The following VPS33B variants were observed in gnomAD, a reference collection of about 807,000 sequenced individuals.
The protein encoded by VPS33B is vacuolar protein sorting-associated protein 33B.
Under a neutral mutation model 95.3 loss-of-function variants are expected in VPS33B, and 80 were observed. That is an observed-to-expected ratio of 0.84 (90% confidence interval 0.70 to 1.01). VPS33B has a LOEUF of 1.01. VPS33B is among the 50% of genes least tolerant of loss of function. VPS33B has a pLI of 0.00. For missense variants in VPS33B, 715 were observed against 773.4 expected, an observed-to-expected ratio of 0.92 and a Z score of 0.90; for synonymous variants, 280 against 280.4, an observed-to-expected ratio of 1.00 and a Z score of 0.01.
Position 91,006,669 on chromosome 15 carries a change from G to A in VPS33B, c.761C>T (p.Thr254Ile), listed in dbSNP as rs144850957. The change falls in exon 10 of 23, where the codon ACC becomes ATC. Residue 254 changes from threonine to isoleucine, a missense_variant. By Grantham distance (89) the Thr-to-Ile change is moderately conservative. Coordinates refer to ENST00000333371, the MANE Select transcript of VPS33B (RefSeq NM_018668.5). The surrounding 1 kb of genome is among the most constrained non-coding windows in gnomAD (Gnocchi z 5.4). ...QVVYEGLVDD[T>I]FRIKCGSVDF... ...GCACTTACCACACTTGATGCGGAAG[G>A]TGTCATCTACTAGGCCCTCATAAAC... 2.5e-6 allele frequency: 4 copies of A among 1,614,170 alleles called. No homozygotes were observed. The East Asian group carries it at 8.9e-5, about 36-fold the overall frequency.
intron 16 of VPS33B, among the ~76,000 whole-genome samples, chr15:91,004,445 G>T (rs923820791): frequency 1.1e-4 from 17 of 151,464 alleles, no homozygotes; most frequent in African/African-American, 4.1e-4. Context: ...TGGGGGTTGT[G>T]GTGAGCCGAG....
Position 90,998,900 on chromosome 15 carries a change from C to G in VPS33B, c.*75G>C. On this transcript the variant is annotated 3_prime_UTR_variant, in exon 23 of 23. Transcript: ENST00000333371. The surrounding 1 kb of genome is among the most constrained non-coding windows in gnomAD (Gnocchi z 4.8). ...GTAGTTGGTGGACACTTGGTTATAG[C>G]AGCTGGGTGCCAGATGCCTGCATCT... 6.5e-7 allele frequency: 1 copy of G among 1,531,338 alleles called. No homozygotes were observed. The highest frequency in any genetic ancestry group is 9.0e-7 in the Non-Finnish European group (1 of 1,113,066). The allele number at this position is 1,531,338 out of a possible 1,614,324, so 94.9% of individuals were successfully genotyped here.
chr15:91,017,106 G>T, intron 2 of VPS33B, 82 bp from the exon 3 acceptor site: 2 of 1,283,196 alleles, frequency 1.6e-6, no homozygotes, highest in Non-Finnish European at 2.3e-6. Flanking sequence ...GGGACTTCTT[G>T]AGGGCTTCCT....
At chr15:90,998,531 G>C, downstream of VPS33B, 1 of 273,228 alleles carries the variant, frequency 3.7e-6, no homozygotes, top group South Asian at 4.2e-5. This position sits in a 1 kb window ranked among gnomAD's most constrained non-coding sequence, Gnocchi z 4.8. Flanking sequence ...CAGAGTGGTA[G>C]AGTGATTTTT....
Position 91,002,391 on chromosome 15 carries a change from G to A in VPS33B, c.1273-209C>T, listed in dbSNP as rs2040464649. Among the ~76,000 whole-genome samples, 1 of 152,290 alleles carries A rather than the reference G, an allele frequency of 6.6e-6. No homozygotes were observed. The highest frequency in any genetic ancestry group is 1.9e-4 in the East Asian group (1 of 5,176). ...TGTAATCCCAGCACTTTGGGTTTGG[G>A]AGGCCAGGGCAGGCAGATCACTTGA... On this transcript the variant is annotated intron_variant, in intron 17 of 22. Coordinates refer to ENST00000333371, the MANE Select transcript of VPS33B (RefSeq NM_018668.5). This position sits in a 1 kb window ranked among gnomAD's most constrained non-coding sequence, Gnocchi z 4.7.
rs2040648648 is a variant in VPS33B at position 91,007,539 on chromosome 15, T to G, written c.533A>C (p.Gln178Pro). The stretch of plus-strand genomic sequence containing the variant: ...GAGAGTGCTGAGAAGGTGTAAGGCC[T>G]GAGCTACAGTGTTGATCCAACGCTG... Reference protein sequence around the residue: ...GDQRWINTVAQALHLLSTLYG... With the variant: ...GDQRWINTVAPALHLLSTLYG... Residue 178 changes from glutamine to proline, a missense_variant, in exon 8 of 23, where the codon CAG (glutamine) becomes CCG (proline). Transcript: ENST00000333371. The surrounding 1 kb of genome is among the most constrained non-coding windows in gnomAD (Gnocchi z 5.3). 1 of 1,614,224 alleles carries G rather than the reference T, an allele frequency of 6.2e-7. No homozygotes were observed. The highest frequency in any genetic ancestry group is 1.3e-5 in the African/African-American group (1 of 75,066).
At position 91,002,142 on chromosome 15, in the gene VPS33B, C is replaced by T. The variant is rs368348750; in HGVS notation, c.1313G>A (p.Arg438Gln). ...PEHLLTFSNL[R>Q]RAGLLTEQAP... Reference sequence around the variant, plus strand: ...CTGCTCCGTTAGGAGCCCAGCTCTTCGCAGATTGGAGAAGGTTAGCAGGTG... The same window carrying T: ...CTGCTCCGTTAGGAGCCCAGCTCTTTGCAGATTGGAGAAGGTTAGCAGGTG... The change falls in exon 18 of 23, where the codon CGA becomes CAA. Residue 438 changes from arginine (R) to glutamine (Q), a missense_variant. Physicochemically the swap from Arg to Gln is conservative, Grantham distance 43 (BLOSUM62 1). Coordinates refer to ENST00000333371, the MANE Select transcript of VPS33B (RefSeq NM_018668.5). The surrounding 1 kb of genome is among the most constrained non-coding windows in gnomAD (Gnocchi z 4.7). 2.8e-5 allele frequency: 45 copies of T among 1,614,030 alleles called. No individual in the cohort carries two copies. Among genetic ancestry groups the T allele is most frequent in the Non-Finnish European group, 3.6e-5 (42 of 1,180,040 alleles).
Position 91,013,913 on chromosome 15 carries a change from C to G in VPS33B, c.290-42G>C. 1 of 1,610,916 alleles carries G rather than the reference C, an allele frequency of 6.2e-7. No individual in the cohort carries two copies. The highest frequency in any genetic ancestry group is 8.5e-7 in the Non-Finnish European group (1 of 1,177,142). On this transcript the variant is annotated intron_variant, in intron 4 of 22. Coordinates refer to ENST00000333371, the MANE Select transcript of VPS33B (RefSeq NM_018668.5). This position sits in a 1 kb window ranked among gnomAD's most constrained non-coding sequence, Gnocchi z 4.5. ...TGCAGCCCAGCAAGTCATGGGCCAT[C>G]TGTTATGCTAGAAACAGGGAAGCTG...
chr15:91,017,596 C>T (rs969108503), intron 2 of VPS33B, among the ~76,000 whole-genome samples: 1 of 151,260 alleles, frequency 6.6e-6, no homozygotes, highest in African/African-American at 2.4e-5. Context: ...ACACTGTATT[C>T]CAGCCTGGGC....
intron 16 of VPS33B, among the ~76,000 whole-genome samples, chr15:91,003,424 TGAC>T (rs2040500554): frequency 6.6e-6 from 1 of 151,958 alleles, no homozygotes; most frequent in South Asian, 2.1e-4. Context: ...GGAGGAGAAG[TGAC>T]GACTCATGCA....
In VPS33B at chr15:91,007,847, G is replaced by T; in HGVS notation, c.498+23C>A. 6.2e-7 allele frequency: 1 copy of T among 1,609,800 alleles called. No individual in the cohort carries two copies. The highest frequency in any genetic ancestry group is 8.5e-7 in the Non-Finnish European group (1 of 1,176,164). On this transcript the variant is annotated intron_variant, in intron 7 of 22. Coordinates refer to ENST00000333371, the MANE Select transcript of VPS33B (RefSeq NM_018668.5). The surrounding 1 kb of genome is among the most constrained non-coding windows in gnomAD (Gnocchi z 5.3). ...ATTTGTCCCCATCCCCTGATGCCAA[G>T]ACACAAGGGCCTCTGCATTTACCAG... is the stretch of plus-strand genomic sequence containing the variant.
intron 1 of VPS33B, among the ~76,000 whole-genome samples, chr15:91,020,249 C>T (rs1278040172): frequency 1.3e-5 from 2 of 152,142 alleles, no homozygotes; most frequent in Non-Finnish European, 2.9e-5. Flanking sequence ...ATTTTATAAT[C>T]ACCATAAAAA....
intron 2 of VPS33B, 113 bp from the exon 3 acceptor site, chr15:91,017,137 G>C (rs11857433): frequency 1.1e-5 from 11 of 974,144 alleles, no homozygotes; most frequent in Middle Eastern, 2.1e-4. Context: ...ATTATTGAGG[G>C]CTTCCTAATT....
chr15:91,022,106 A>G (rs1349510079), intron 1 of VPS33B, 48 bp downstream of exon 1: 14 of 1,539,056 alleles, frequency 9.1e-6, no homozygotes, highest in Non-Finnish European at 1.2e-5. Context: ...TGTGCATCCA[A>G]TGAGTGCTAA....
chr15:91,000,532 G>A lies in VPS33B; in HGVS notation c.1539C>T (p.Phe513=). ...LKVPRDMAYV[F]GGAYVPLSCR... The stretch of plus-strand genomic sequence containing the variant: ...AGCTCAGGGGCACATAAGCACCACC[G>A]AAGACGTAAGCCATGTCTCGGGGCA... Residue 513 remains phenylalanine (F), a synonymous_variant, in exon 20 of 23, where the codon TTC becomes TTT. Transcript: ENST00000333371. This position sits in a 1 kb window ranked among gnomAD's most constrained non-coding sequence, Gnocchi z 4.9. 2 of 1,613,516 alleles carry A rather than the reference G, an allele frequency of 1.2e-6. No individual in the cohort carries two copies. The highest frequency in any genetic ancestry group is 1.7e-6 in the Non-Finnish European group (2 of 1,179,662).
In VPS33B at chr15:91,013,915, G is replaced by T; in HGVS notation, c.290-44C>A. Reference sequence around the variant, plus strand: ...CAGCCCAGCAAGTCATGGGCCATCTGTTATGCTAGAAACAGGGAAGCTGCC... The same window carrying T: ...CAGCCCAGCAAGTCATGGGCCATCTTTTATGCTAGAAACAGGGAAGCTGCC... On this transcript the variant is annotated intron_variant, in intron 4 of 22. Coordinates refer to ENST00000333371, the MANE Select transcript of VPS33B (RefSeq NM_018668.5). The surrounding 1 kb of genome is among the most constrained non-coding windows in gnomAD (Gnocchi z 4.5). 1 of 1,609,978 alleles carries T rather than the reference G, an allele frequency of 6.2e-7. No individual in the cohort carries two copies. Among genetic ancestry groups the T allele is most frequent in the Non-Finnish European group, 8.5e-7 (1 of 1,176,286 alleles).
rs1331688622 is a variant in VPS33B at position 91,002,020 on chromosome 15, G to A, written c.1405+30C>T. On this transcript the variant is annotated intron_variant, in intron 18 of 22. Coordinates refer to ENST00000333371, the MANE Select transcript of VPS33B (RefSeq NM_018668.5). This position sits in a 1 kb window ranked among gnomAD's most constrained non-coding sequence, Gnocchi z 4.7. ...TTGAGAGAAGTCAGGACAACAGCTG[G>A]AGCAGGGGTCACTTGTGCTCCCTGC... 3.1e-6 allele frequency: 5 copies of A among 1,613,034 alleles called. No homozygotes were observed. The highest frequency in any genetic ancestry group is 1.9e-4 in the Middle Eastern group (1 of 5,292).
In VPS33B at chr15:91,009,839, G is replaced by A. The variant is rs758641088; in HGVS notation, c.365C>T (p.Ala122Val). 50 of 1,613,972 alleles carry A rather than the reference G, an allele frequency of 3.1e-5. No homozygotes were observed. The highest frequency in any genetic ancestry group is 1.2e-4 in the South Asian group (11 of 91,074). Residue 122 changes from alanine to valine, a missense_variant, in exon 6 of 23, where the codon GCG (alanine) becomes GTG (valine). Coordinates refer to ENST00000333371, the MANE Select transcript of VPS33B (RefSeq NM_018668.5). This position sits in a 1 kb window ranked among gnomAD's most constrained non-coding sequence, Gnocchi z 4.1. ...CTCTTCCTCAAGCACCATCTCACAC[G>A]CATAGAACTGAAAGAGAAAAGGAAA... Reference protein sequence around the residue: ...KVIFSPQKFYACEMVLEEEGI... With the variant: ...KVIFSPQKFYVCEMVLEEEGI...
At chr15:91,001,956 C>T in intron 18 of VPS33B, 94 bp downstream of exon 18, 1 of 1,595,694 alleles carries the variant, frequency 6.3e-7, no homozygotes, top group Admixed American at 1.7e-5. Context: ...ATCAGTCCAC[C>T]TTCTCCAATT....
Sources: gnomAD v4.1 joint callset for allele counts (sites outside exome capture counted in the v4.1 genomes callset) on GRCh38, gnomAD v4.1.1 for gene constraint, Gnocchi (gnomAD v3.1) non-coding constraint, MANE v1.5 for transcripts, NCBI Gene and HGNC (gene_info 2026-07-23, HGNC 2026-07-21) for gene names.